CUL3: variants seen among roughly 807,000 people sequenced by gnomAD.
The protein encoded by CUL3 is cullin 3.
Under a neutral mutation model 89.1 loss-of-function variants are expected in CUL3, and 19 were observed. The ratio of observed to expected loss-of-function variants is 0.21; its 90% CI spans 0.15 to 0.31. The LOEUF (loss-of-function observed/expected upper bound fraction) is 0.31. Ranked by LOEUF, CUL3 falls within the 10% of genes least tolerant of loss-of-function variation. The pLI, the probability that CUL3 is intolerant of heterozygous loss-of-function variation, is 1.00. For synonymous variants in CUL3, 351 were observed against 308.4 expected (o/e 1.14, Z -1.45); for missense variants, 469 against 942.3 (o/e 0.50, Z 6.58).
At chr2:224,478,836 AT>A (rs1256404052) in intron 14 of CUL3, 1 of 152,324 alleles carries the variant, frequency 6.6e-6, no homozygotes, top group Admixed American at 6.5e-5. Context: ...AGTCAGTGAA[AT>A]AAATAATTTA....
chr2:224,470,408 T>G lies in CUL3; in HGVS notation c.*3837A>C, dbSNP rs1691082384. The G allele has an allele frequency of 4.3e-6, 1 of 230,062 alleles. No individual in the cohort carries two copies. The highest frequency in any genetic ancestry group is 2.2e-5 in the African/African-American group (1 of 45,154). 14.3% of individuals were successfully genotyped at this position (230,062 alleles called of 1,614,324 possible). On this transcript the variant is annotated 3_prime_UTR_variant, in exon 16 of 16. Transcript: ENST00000264414. Reference sequence around the variant, plus strand: ...CTTACAAATTTGCCATTTCTAAAATTAAATGCACGGGTTTCAAGACATCCT... The same window carrying G: ...CTTACAAATTTGCCATTTCTAAAATGAAATGCACGGGTTTCAAGACATCCT...
At chr2:224,572,776 G>T (rs1308319673) in intron 1 of CUL3, among the ~76,000 whole-genome samples, 1 of 152,116 alleles carries the variant, frequency 6.6e-6, no homozygotes, top group East Asian at 1.9e-4. Context: ...GCCATGTGCA[G>T]ATACAGGATT....
chr2:224,551,068 CTT>C (rs771053112), intron 2 of CUL3, among the ~76,000 whole-genome samples: 16 of 141,260 alleles, frequency 1.1e-4, no homozygotes, highest in Non-Finnish European at 1.2e-4. Flanking sequence ...TAGCCTCCAG[CTT>C]TTTTTTTTTT....
intron 1 of CUL3, among the ~76,000 whole-genome samples, chr2:224,579,100 G>C (rs1695376474): frequency 6.6e-6 from 1 of 152,096 alleles, no homozygotes. Context: ...AGGTTCCTCT[G>C]AACTGCTATC....
chr2:224,584,054 G>A (rs187376273), intron 1 of CUL3, among the ~76,000 whole-genome samples: 63 of 152,218 alleles, frequency 4.1e-4, no homozygotes, highest in Admixed American at 3.9e-3. Flanking sequence ...TGCTTGCCAC[G>A]GGGAAGCTGA....
intron 13 of CUL3, among the ~76,000 whole-genome samples, chr2:224,487,426 A>C: frequency 8.6e-6 from 1 of 115,746 alleles, no homozygotes; most frequent in African/African-American, 4.0e-5. Flanking sequence ...AGGAATATTT[A>C]CCAAGCCCGC....
intron 8 of CUL3, among the ~76,000 whole-genome samples, chr2:224,504,912 CA>C (rs929278240): frequency 6.6e-6 from 1 of 151,786 alleles, no homozygotes; most frequent in African/African-American, 2.4e-5. Context: ...TCATATATCA[CA>C]AAGGCTTGAA....
At chr2:224,569,864 G>A (rs933307102) in intron 1 of CUL3, 2 of 958,818 alleles carry the variant, frequency 2.1e-6, no homozygotes, top group Non-Finnish European at 2.5e-6. Flanking sequence ...GGGAAAGGGT[G>A]AGAATTTGAA....
At chr2:224,545,209 G>A (rs1322997201) in intron 2 of CUL3, among the ~76,000 whole-genome samples, 1 of 152,022 alleles carries the variant, frequency 6.6e-6, no homozygotes, top group Non-Finnish European at 1.5e-5. Flanking sequence ...AACTAATGAT[G>A]AGATTCCTGA....
chr2:224,522,147 A>C (rs569484797), intron 3 of CUL3, among the ~76,000 whole-genome samples: 133 of 152,156 alleles, frequency 8.7e-4, no homozygotes, highest in African/African-American at 3.2e-3. Context: ...TACCAAATTT[A>C]ATCACTAAGG....
rs535599508 is a variant in CUL3 at position 224,549,864 on chromosome 2, A to G, written c.264+7795T>C. Reference sequence around the variant, plus strand: ...CTTACATATACACATATATGCGTGCACACACACACACACGCACACACACAC... The same window carrying G: ...CTTACATATACACATATATGCGTGCGCACACACACACACGCACACACACAC... On this transcript the variant is annotated intron_variant, in intron 2 of 15. Coordinates refer to ENST00000264414, the MANE Select transcript of CUL3 (RefSeq NM_003590.5). Among the ~76,000 whole-genome samples, 26 of 151,314 alleles carry G rather than the reference A, an allele frequency of 1.7e-4. 1 individual carries two copies. Among genetic ancestry groups the G allele is most frequent in the African/African-American group, 5.3e-4 (22 of 41,386 alleles).
intron 13 of CUL3, among the ~76,000 whole-genome samples, chr2:224,486,582 G>C (rs937914605): frequency 5.1e-5 from 7 of 137,590 alleles, no homozygotes; most frequent in Admixed American, 1.4e-4. Flanking sequence ...AGAATGAAAA[G>C]GAACAAACAA....
chr2:224,548,688 T>C (rs529784647), intron 2 of CUL3, among the ~76,000 whole-genome samples: 5 of 152,200 alleles, frequency 3.3e-5, no homozygotes, highest in African/African-American at 4.8e-5. Flanking sequence ...AAAACTAAAG[T>C]TTCTCCCCTG....
rs751347016 is a variant in CUL3 at position 224,472,258 on chromosome 2, T to TA, written c.*1986dup. ...CACACTTGAGACAATGACGTAAACT[T>TA]AAACTTTACTTTTAATGGCTTAAAC... On this transcript the variant is annotated 3_prime_UTR_variant, in exon 16 of 16. Transcript: ENST00000264414. 5 of 219,120 alleles carry TA rather than the reference T, an allele frequency of 2.3e-5. No individual in the cohort carries two copies. Among genetic ancestry groups the TA allele is most frequent in the Non-Finnish European group, 3.7e-5 (4 of 109,284 alleles). The allele number at this position is 219,120 out of a possible 1,614,324, so 13.6% of individuals were successfully genotyped here. A position where few individuals can be genotyped will look rare whatever the true frequency, so the allele number is the denominator to read the frequency against.
At chr2:224,534,555 CTT>C (rs1224189415) in intron 3 of CUL3, among the ~76,000 whole-genome samples, 2 of 152,146 alleles carry the variant, frequency 1.3e-5, no homozygotes, top group African/African-American at 4.8e-5. Context: ...TTTAACAACT[CTT>C]AAGGAGATGT....
intron 1 of CUL3, among the ~76,000 whole-genome samples, chr2:224,568,686 G>A (rs1322971786): frequency 1.3e-5 from 2 of 152,074 alleles, no homozygotes; most frequent in Admixed American, 6.5e-5. Flanking sequence ...CCAGAAGGCT[G>A]CTTAATCATT....
chr2:224,556,041 AAC>A (rs151017983), intron 2 of CUL3, among the ~76,000 whole-genome samples: 4,261 of 152,274 alleles, frequency 0.028, 190 homozygotes, highest in African/African-American at 0.097. Context: ...TTGTGTGAAA[AAC>A]ACAATCACCT....
At chr2:224,573,526 TTAAGCTTACGAAGG>T (rs1180190960) in intron 1 of CUL3, among the ~76,000 whole-genome samples, 1 of 152,222 alleles carries the variant, frequency 6.6e-6, no homozygotes, top group African/African-American at 2.4e-5. Context: ...CCAGTAAAAC[TTAAGCTTACGAAGG>T]AAGCTTACGA....
At chr2:224,489,387 T>C (rs1327704664) in intron 13 of CUL3, among the ~76,000 whole-genome samples, 2 of 152,224 alleles carry the variant, frequency 1.3e-5, no homozygotes, top group Non-Finnish European at 2.9e-5. Flanking sequence ...CTCTTTAAGC[T>C]GATAAGCAAC....
Sources: allele counts gnomAD v4.1 joint callset (sites outside exome capture counted in the v4.1 genomes callset), GRCh38; gene constraint gnomAD v4.1.1; transcripts MANE v1.5; gene names NCBI Gene and HGNC (gene_info 2026-07-23, HGNC 2026-07-21).